UBE3B: variants seen among roughly 807,000 people sequenced by gnomAD.
UBE3B encodes the protein ubiquitin-protein ligase E3B.
In UBE3B, 80 loss-of-function variants were observed where a neutral mutation model predicts 132.3. The ratio of observed to expected loss-of-function variants is 0.60; its 90% CI spans 0.50 to 0.73. UBE3B has a LOEUF of 0.73. Among genes scored for constraint, UBE3B ranks in the 30% least tolerant of loss-of-function variants. The pLI is 0.00. For synonymous variants in UBE3B, 487 were observed against 520.4 expected (o/e 0.94, Z 0.87); for missense variants, 1,196 against 1,362.5 (o/e 0.88, Z 1.92).
At position 109,486,549 on chromosome 12, in the gene UBE3B, T is replaced by G. The variant is rs777101546; in HGVS notation, c.421T>G (p.Cys141Gly). Residue 141 changes from cysteine (C) to glycine (G), a missense_variant, in exon 6 of 28, where the codon TGC (cysteine) becomes GGC (glycine). Coordinates refer to ENST00000342494, the MANE Select transcript of UBE3B (RefSeq NM_130466.4). ...IQQIKNILWY[C>G]CDFLKQLKPE... ...ACAGATCAAGAACATTTTGTGGTAC[T>G]GCTGTGATTTTCTCAAGCAGCTCAA... The G allele has an allele frequency of 5.1e-6, 8 of 1,569,638 alleles. No individual in the cohort carries two copies. The Admixed American group carries it at 1.1e-4, about 21-fold the overall frequency.
intron 13 of UBE3B, among the ~76,000 whole-genome samples, chr12:109,502,653 A>G (rs1879146347): frequency 6.6e-6 from 1 of 152,110 alleles, no homozygotes; most frequent in African/African-American, 2.4e-5. Context: ...CTAAAGGCAC[A>G]GAAAATAGAG....
At chr12:109,541,124 T>G (rs1392852275), downstream of UBE3B, among the ~76,000 whole-genome samples, 1 of 152,240 alleles carries the variant, frequency 6.6e-6, no homozygotes, top group Non-Finnish European at 1.5e-5. Context: ...TGTTCCAGCG[T>G]GGTCCACCTG....
In UBE3B at chr12:109,499,623, C is replaced by G. The variant is rs781484866; in HGVS notation, c.941-10C>G. ...CTGGGCCCATCACACTCAGCCTTCT[C>G]TCTCTGTAGGCAACCTCCTACACTT... On this transcript the variant is annotated splice_polypyrimidine_tract_variant and intron_variant, in intron 11 of 27. Transcript: ENST00000342494. 23 of 1,578,588 alleles carry G rather than the reference C, an allele frequency of 1.5e-5. No homozygotes were observed. The highest frequency in any genetic ancestry group is 2.0e-5 in the Non-Finnish European group (23 of 1,160,948).
intron 9 of UBE3B, chr12:109,491,736 G>T (rs1877493497): frequency 6.6e-6 from 1 of 152,322 alleles, no homozygotes; most frequent in Non-Finnish European, 1.5e-5. Flanking sequence ...GTTAATAAAA[G>T]ATCCTGGAAG....
At chr12:109,479,014 C>T (rs1332006976) in intron 1 of UBE3B, among the ~76,000 whole-genome samples, 1 of 152,132 alleles carries the variant, frequency 6.6e-6, no homozygotes, top group Non-Finnish European at 1.5e-5. Flanking sequence ...TGAATCCTGC[C>T]TCTTAGTTAT....
chr12:109,485,269 G>A (rs187163061), intron 4 of UBE3B, among the ~76,000 whole-genome samples: 36 of 152,358 alleles, frequency 2.4e-4, no homozygotes, highest in African/African-American at 8.7e-4. Context: ...CTATTGCTAA[G>A]CTTCACATTG....
chr12:109,502,887 C>G lies in UBE3B; in HGVS notation c.1283-136C>G, dbSNP rs947179830. Reference sequence around the variant, plus strand: ...TTTCTAATTTATCCCAAAGAAATGCCTTGAATTGAGTGAGTTGCCCCACTG... The same window carrying G: ...TTTCTAATTTATCCCAAAGAAATGCGTTGAATTGAGTGAGTTGCCCCACTG... On this transcript the variant is annotated intron_variant, in intron 13 of 27. Coordinates refer to ENST00000342494, the MANE Select transcript of UBE3B (RefSeq NM_130466.4). 11 of 1,059,456 alleles carry G rather than the reference C, an allele frequency of 1.0e-5. No individual in the cohort carries two copies. The African/African-American group carries it at 1.3e-4, about 12-fold the overall frequency. The allele number at this position is 1,059,456 out of a possible 1,614,324, so 65.6% of individuals were successfully genotyped here. A position where few individuals can be genotyped will look rare whatever the true frequency, so the allele number is the denominator to read the frequency against.
At chr12:109,526,281 TG>T in intron 23 of UBE3B, 76 bp from the exon 24 acceptor site, 2 of 1,386,734 alleles carry the variant, frequency 1.4e-6, no homozygotes, top group Non-Finnish European at 1.0e-6. Context: ...ATGTTTGTGC[TG>T]GGCCCTCTCA....
At chr12:109,540,120 C>T (rs752213664), downstream of UBE3B, among the ~76,000 whole-genome samples, 9 of 152,124 alleles carry the variant, frequency 5.9e-5, no homozygotes, top group South Asian at 2.1e-4. Flanking sequence ...ATTCTGCTGC[C>T]GAAGTCTTCT....
intron 19 of UBE3B, among the ~76,000 whole-genome samples, chr12:109,518,962 C>G (rs547323568): frequency 2.8e-4 from 42 of 152,178 alleles, no homozygotes; most frequent in Non-Finnish European, 2.4e-4. Flanking sequence ...GTAAGCTGAT[C>G]TCAGACTCAT....
At position 109,486,055 on chromosome 12, in the gene UBE3B, C is replaced by G. The variant is rs1348349074; in HGVS notation, c.326C>G (p.Ala109Gly). 1.3e-6 allele frequency: 2 copies of G among 1,556,422 alleles called. No homozygotes were observed. Among genetic ancestry groups the G allele is most frequent in the African/African-American group, 2.7e-5 (2 of 73,454 alleles). ...CGCAGCATCCTGAGCAGCATGGATG[C>G]TGAGAATGAGCCTAAGGTAAGTGGA... ...LCRSILSSMD[A>G]ENEPKVWYVS... The change falls in exon 5 of 28, where the codon GCT becomes GGT. Residue 109 changes from alanine to glycine, a missense_variant. Physicochemically the swap from Ala to Gly is moderately conservative, Grantham distance 60. Transcript: ENST00000342494.
At chr12:109,490,076 C>A in intron 8 of UBE3B, 72 bp downstream of exon 8, 1 of 1,432,332 alleles carries the variant, frequency 7.0e-7, no homozygotes, top group Non-Finnish European at 9.8e-7. Flanking sequence ...TTTACATTTG[C>A]ATTCAGCATA....
chr12:109,501,118 C>T (rs993314436), intron 12 of UBE3B, among the ~76,000 whole-genome samples: 20 of 152,182 alleles, frequency 1.3e-4, no homozygotes, highest in African/African-American at 4.1e-4. Flanking sequence ...CAAGTGTCTT[C>T]GAGAAGAGTG....
chr12:109,540,105 C>T (rs565361817), downstream of UBE3B, among the ~76,000 whole-genome samples: 1 of 152,066 alleles, frequency 6.6e-6, no homozygotes, highest in Non-Finnish European at 1.5e-5. Context: ...AAGCTGAAAG[C>T]GTTCATTCTG....
intron 19 of UBE3B, chr12:109,517,775 A>T (rs890672775): frequency 3.8e-6 from 1 of 265,932 alleles, no homozygotes; most frequent in African/African-American, 2.2e-5. Flanking sequence ...GTAGTGTAGG[A>T]CAGTCACGGG....
At chr12:109,512,717 T>G (rs905350618) in intron 18 of UBE3B, among the ~76,000 whole-genome samples, 2 of 152,230 alleles carry the variant, frequency 1.3e-5, no homozygotes, top group Non-Finnish European at 2.9e-5. Flanking sequence ...TTAATACTTA[T>G]GGTTGCTATT....
At chr12:109,509,497 AT>A in intron 15 of UBE3B, 98 bp from the exon 16 acceptor site, 1 of 711,328 alleles carries the variant, frequency 1.4e-6, no homozygotes, top group Non-Finnish European at 2.4e-6. Context: ...GATAAAGCTT[AT>A]TTCTCAACCT....
At chr12:109,495,609 C>T (rs1007554056) in intron 9 of UBE3B, among the ~76,000 whole-genome samples, 15 of 152,074 alleles carry the variant, frequency 9.9e-5, no homozygotes, top group African/African-American at 3.1e-4. Flanking sequence ...CTGAGAGCCT[C>T]GAACAGAGAT....
rs1004977148 is a variant in UBE3B, at chr12:109,524,324, G to C, written c.2503-114G>C. The C allele has an allele frequency of 1.3e-4, 184 of 1,436,174 alleles. 1 individual carries two copies. The highest frequency in any genetic ancestry group is 1.6e-4 in the Non-Finnish European group (162 of 1,031,404). The allele number at this position is 1,436,174 out of a possible 1,614,324, so 89.0% of individuals were successfully genotyped here. On this transcript the variant is annotated intron_variant, in intron 22 of 27. Transcript: ENST00000342494. Reference sequence around the variant, plus strand: ...CGAATGACTTTCTTTGCGTCAAGCTGTTCAGCAGCCATGGGTGTTCCCAGC... The same window carrying C: ...CGAATGACTTTCTTTGCGTCAAGCTCTTCAGCAGCCATGGGTGTTCCCAGC...
Sources: allele counts gnomAD v4.1 joint callset (sites outside exome capture counted in the v4.1 genomes callset), GRCh38; gene constraint gnomAD v4.1.1; transcripts MANE v1.5; gene names NCBI Gene and HGNC (gene_info 2026-07-23, HGNC 2026-07-21).